Variants in C6orf132 observed in about 807,000 individuals in gnomAD.
C6orf132 encodes uncharacterized protein C6orf132.
Under a neutral mutation model 65.3 loss-of-function variants are expected in C6orf132, and 43 were observed. The ratio of observed to expected loss-of-function variants is 0.66; its 90% CI spans 0.52 to 0.85. The LOEUF is 0.85. C6orf132 is among the 40% of genes least tolerant of loss of function. The pLI is 0.00. For missense variants in C6orf132, 1,488 were observed against 1,548.8 expected (o/e 0.96, Z 0.66); for synonymous variants, 631 against 654.1 (o/e 0.96, Z 0.54).
At chr6:42,136,161 C>CA (rs5875794) in intron 1 of C6orf132, among the ~76,000 whole-genome samples, 18,527 of 142,388 alleles carry the variant, frequency 0.13, 1,431 homozygotes, top group East Asian at 0.22. Context: ...GTAAGCCATC[C>CA]AAAAAAAAAA....
At chr6:42,113,029 G>C (rs1036606989) in intron 2 of C6orf132, among the ~76,000 whole-genome samples, 18 of 151,448 alleles carry the variant, frequency 1.2e-4, no homozygotes, top group Non-Finnish European at 1.5e-5. Context: ...CAACATACCT[G>C]TTCTCAACTT....
At chr6:42,129,768 C>T (rs1410030604) in intron 1 of C6orf132, among the ~76,000 whole-genome samples, 1 of 152,212 alleles carries the variant, frequency 6.6e-6, no homozygotes, top group Non-Finnish European at 1.5e-5. Flanking sequence ...AGAGGGCTTT[C>T]TTCCATTTAA....
rs1335664027 is a variant in C6orf132, at chr6:42,105,018, GAGA to G, written c.2891_2893del (p.Phe964del). ...CTTGTTCGAAGGAGAAGGTGGGGAG[GAGA>G]AGGACTTGGGCAGCGGGTGGCCCTG... On this transcript the variant is annotated inframe_deletion, in exon 4 of 5. Transcript: ENST00000341865. 17 of 1,532,410 alleles carry G rather than the reference GAGA, an allele frequency of 1.1e-5. No individual in the cohort carries two copies. The highest frequency in any genetic ancestry group is 3.6e-5 in the South Asian group (3 of 83,740). 94.9% of individuals were successfully genotyped at this position (1,532,410 alleles called of 1,614,324 possible). A position where few individuals can be genotyped will look rare whatever the true frequency, so the allele number is the denominator to read the frequency against.
intron 2 of C6orf132, among the ~76,000 whole-genome samples, chr6:42,112,150 T>TCTAA: frequency 6.6e-6 from 1 of 152,342 alleles, no homozygotes; most frequent in African/African-American, 2.4e-5. Context: ...TGCACTGTGC[T>TCTAA]CTAACTAAAC....
chr6:42,109,430 C>CCAATAAAT (rs1766463886), intron 3 of C6orf132, among the ~76,000 whole-genome samples: 1 of 151,038 alleles, frequency 6.6e-6, no homozygotes. Flanking sequence ...GACTCCATCT[C>CCAATAAAT]AAATAAATAA....
intron 2 of C6orf132, among the ~76,000 whole-genome samples, chr6:42,123,382 C>CAA (rs546008317): frequency 9.8e-6 from 1 of 101,682 alleles, no homozygotes; most frequent in Admixed American, 1.1e-4. Flanking sequence ...GACTCCATCT[C>CAA]AAAAAAAAAA....
chr6:42,138,607 T>C (rs1158888360), intron 1 of C6orf132, among the ~76,000 whole-genome samples: 1 of 152,174 alleles, frequency 6.6e-6, no homozygotes, highest in East Asian at 1.9e-4. Context: ...TTCAAATAAA[T>C]GTCTGAGGTA....
chr6:42,142,364 G>C lies in C6orf132; in HGVS notation c.81C>G (p.Leu27=). ...AGATCCAGGGCGGATTGGTGGCGTA[G>C]AGGGAGGTGCTGGGGGTCGTGGTGT... ...KKHTTTPSTS[L]YATNPPWIFT... The change falls in exon 1 of 5, where the codon CTC becomes CTG. Residue 27 remains leucine, a synonymous_variant. Transcript: ENST00000341865. 1.3e-6 allele frequency: 2 copies of C among 1,551,532 alleles called. No homozygotes were observed. The highest frequency in any genetic ancestry group is 1.7e-6 in the Non-Finnish European group (2 of 1,146,896).
At chr6:42,107,723 G>A (rs9381137) in intron 3 of C6orf132, 140 bp from the exon 4 acceptor site, 215,859 of 1,046,008 alleles carry the variant, frequency 0.21, 23,801 homozygotes, top group African/African-American at 0.33. Context: ...AAGAGAGGGA[G>A]CAGCCCTGTG....
Position 42,104,013 on chromosome 6 carries a change from G to T in C6orf132, c.3450-135C>A. 1.7e-6 allele frequency: 1 copy of T among 579,830 alleles called. No individual in the cohort carries two copies. Among genetic ancestry groups the T allele is most frequent in the Non-Finnish European group, 2.6e-6 (1 of 377,672 alleles). 35.9% of individuals were successfully genotyped at this position (579,830 alleles called of 1,614,324 possible). On this transcript the variant is annotated intron_variant, in intron 4 of 4. Coordinates refer to ENST00000341865, the MANE Select transcript of C6orf132 (RefSeq NM_001164446.3). The surrounding 1 kb of genome is among the most constrained non-coding windows in gnomAD (Gnocchi z 4.1). ...TGCCCCGACAAGCCCTGGGCTTATCGACCCCAGGGAGGGACCGCAGACATC... is the reference window on the plus strand; with the variant it reads ...TGCCCCGACAAGCCCTGGGCTTATCTACCCCAGGGAGGGACCGCAGACATC...
intron 1 of C6orf132, among the ~76,000 whole-genome samples, chr6:42,139,067 C>G (rs1766995095): frequency 6.6e-6 from 1 of 152,212 alleles, no homozygotes; most frequent in Non-Finnish European, 1.5e-5. Context: ...TACCCTTGTG[C>G]AAACAGATTT....
chr6:42,131,869 C>T (rs1227088931), intron 1 of C6orf132, among the ~76,000 whole-genome samples: 1 of 152,186 alleles, frequency 6.6e-6, no homozygotes, highest in Non-Finnish European at 1.5e-5. Flanking sequence ...TAGTTGAGGC[C>T]GGGTTGGAAG....
intron 2 of C6orf132, among the ~76,000 whole-genome samples, chr6:42,127,162 C>T (rs1016521079): frequency 2.0e-5 from 3 of 152,066 alleles, no homozygotes; most frequent in Non-Finnish European, 4.4e-5. Context: ...GCTATATTGC[C>T]CAGGCTAGTC....
Position 42,115,347 on chromosome 6 carries a change from A to C in C6orf132, c.253-5056T>G, listed in dbSNP as rs942374185. ...TGTACTTAATGCCACTGAATTGTACATTTTAAAATGGTTAAAAGGCCGGGC... is the reference window on the plus strand; with the variant it reads ...TGTACTTAATGCCACTGAATTGTACCTTTTAAAATGGTTAAAAGGCCGGGC... On this transcript the variant is annotated intron_variant, in intron 2 of 4. Coordinates refer to ENST00000341865, the MANE Select transcript of C6orf132 (RefSeq NM_001164446.3). Among the ~76,000 whole-genome samples the C allele has an allele frequency of 8.6e-5, 13 of 151,230 alleles. No individual in the cohort carries two copies. In the East Asian group the frequency reaches 2.3e-3, roughly 27 times the overall value.
Position 42,142,615 on chromosome 6 carries a change from G to A in C6orf132, c.-171C>T, listed in dbSNP as rs1197438733. On this transcript the variant is annotated 5_prime_UTR_variant, in exon 1 of 5. Transcript: ENST00000341865. ...GTGCTGCGGGCGCCGCCGCTTGCCGGGAAATGCGAGCTACCTGGCCAGGTA... is the reference window on the plus strand; with the variant it reads ...GTGCTGCGGGCGCCGCCGCTTGCCGAGAAATGCGAGCTACCTGGCCAGGTA... The A allele has an allele frequency of 3.4e-6, 2 of 587,224 alleles. No homozygotes were observed. The highest frequency in any genetic ancestry group is 5.3e-6 in the Non-Finnish European group (2 of 378,216). The allele number at this position is 587,224 out of a possible 1,614,324, so 36.4% of individuals were successfully genotyped here.
In C6orf132 at chr6:42,105,123, C is replaced by T. The variant is rs747640125; in HGVS notation, c.2789G>A (p.Ser930Asn). ...TGGCTTTGTCCAGTTGTGCCTGCGG[C>T]TCAGCTCTGTGCCCTCTGCGTCTCT... ...LGRDAEGTEL[S>N]RRHNWTKPEP... The change falls in exon 4 of 5, where the codon AGC becomes AAC. Residue 930 changes from serine (S) to asparagine (N), a missense_variant. Ser to Asn is a conservative substitution (Grantham distance 46). Transcript: ENST00000341865. The T allele has an allele frequency of 6.9e-5, 106 of 1,536,984 alleles. 1 individual carries two copies. In the South Asian group the frequency reaches 9.8e-4, roughly 14 times the overall value.
chr6:42,109,741 A>G (rs1251564965), intron 3 of C6orf132, among the ~76,000 whole-genome samples: 1 of 152,154 alleles, frequency 6.6e-6, no homozygotes, highest in African/African-American at 2.4e-5. Flanking sequence ...GGAAGCCATT[A>G]GTGAGTTTGA....
At chr6:42,133,282 T>C (rs1766883246) in intron 1 of C6orf132, among the ~76,000 whole-genome samples, 1 of 152,152 alleles carries the variant, frequency 6.6e-6, no homozygotes. Flanking sequence ...GGCTGGATGA[T>C]TTGCTCTCGG....
At position 42,124,029 on chromosome 6, in the gene C6orf132, C is replaced by A. The variant is rs1278361969; in HGVS notation, c.252+4643G>T. ...GGAGCTGACCACACCATCTACCCTT[C>A]CGTTAGGAAGTCATTTTAACACAGA... is the stretch of plus-strand genomic sequence containing the variant. On this transcript the variant is annotated intron_variant, in intron 2 of 4. Coordinates refer to ENST00000341865, the MANE Select transcript of C6orf132 (RefSeq NM_001164446.3). This position sits in a 1 kb window ranked among gnomAD's most constrained non-coding sequence, Gnocchi z 4.0. Among the ~76,000 whole-genome samples the A allele has an allele frequency of 1.3e-5, 2 of 152,188 alleles. No homozygotes were observed. The highest frequency in any genetic ancestry group is 1.3e-4 in the Admixed American group (2 of 15,292).
Sources: gnomAD v4.1 joint callset for allele counts (sites outside exome capture counted in the v4.1 genomes callset) on GRCh38, gnomAD v4.1.1 for gene constraint, Gnocchi (gnomAD v3.1) non-coding constraint, MANE v1.5 for transcripts, NCBI Gene and HGNC (gene_info 2026-07-23, HGNC 2026-07-21) for gene names.